Variants in HMGN5 observed in about 807,000 individuals in gnomAD.
HMGN5 encodes the protein high mobility group nucleosome binding domain 5.
HMGN5 carries 4 observed loss-of-function variants against 9.5 expected under a neutral mutation model. The ratio of observed to expected loss-of-function variants is 0.42; its 90% CI spans 0.21 to 0.96. The LOEUF (loss-of-function observed/expected upper bound fraction) is 0.96. Ranked by LOEUF, HMGN5 falls within the 40% of genes least tolerant of loss-of-function variation. HMGN5 has a pLI of 0.30. For missense variants in HMGN5, 192 were observed against 187.5 expected, an observed-to-expected ratio of 1.02 and a Z score of -0.14; for synonymous variants, 55 against 57.1, an observed-to-expected ratio of 0.96 and a Z score of 0.16.
chrX:81,123,678 G>A (rs2075275274), intron 1 of HMGN5, among the ~76,000 whole-genome samples: 1 of 112,315 alleles, frequency 8.9e-6, no homozygotes, highest in Non-Finnish European at 1.9e-5. Context: ...ATGAAAATGC[G>A]AAACCCTGTA....
intron 6 of HMGN5, 113 bp downstream of exon 6, chrX:81,116,091 A>G: frequency 2.0e-6 from 1 of 501,503 alleles, no homozygotes; most frequent in Non-Finnish European, 3.3e-6. Context: ...CTATAGAACC[A>G]CTGCTCACTT....
chrX:81,152,295 C>T (rs1174426225), intron 1 of HMGN5, among the ~76,000 whole-genome samples: 1 of 111,338 alleles, frequency 9.0e-6, no homozygotes, highest in Admixed American at 9.5e-5. Flanking sequence ...AACAAATTTA[C>T]AAGAAAAAAA....
intron 1 of HMGN5, among the ~76,000 whole-genome samples, chrX:81,187,628 A>C (rs2075481279): frequency 9.0e-6 from 1 of 111,556 alleles, no homozygotes; most frequent in African/African-American, 3.3e-5. Flanking sequence ...GGCAACAGAT[A>C]ATTGGGTATT....
intron 1 of HMGN5, among the ~76,000 whole-genome samples, chrX:81,182,659 T>C (rs1477140225): frequency 8.9e-6 from 1 of 112,401 alleles, no homozygotes; most frequent in Non-Finnish European, 1.9e-5. Context: ...CAGAAGTAGA[T>C]GCTGCTATGC....
chrX:81,143,887 T>A (rs964525561), intron 1 of HMGN5, among the ~76,000 whole-genome samples: 10 of 111,982 alleles, frequency 8.9e-5, no homozygotes, highest in Non-Finnish European at 1.5e-4. Flanking sequence ...CACATGGAAG[T>A]TTGAACTGGG....
chrX:81,137,669 AG>A (rs2075315219), intron 1 of HMGN5, among the ~76,000 whole-genome samples: 1 of 111,812 alleles, frequency 8.9e-6, no homozygotes, highest in African/African-American at 3.2e-5. Context: ...ACAAACACAA[AG>A]CATGCAGAAA....
At chrX:81,159,638 A>T (rs2075393282) in intron 1 of HMGN5, among the ~76,000 whole-genome samples, 1 of 110,575 alleles carries the variant, frequency 9.0e-6, no homozygotes, top group Non-Finnish European at 1.9e-5. Flanking sequence ...CAAAAGTTTT[A>T]GGATAATTTT....
chrX:81,131,450 A>G lies in HMGN5; in HGVS notation c.-123-9778T>C, dbSNP rs192812606. On this transcript the variant is annotated intron_variant, in intron 1 of 6. Transcript: ENST00000358130. ...CAAAGGACCTGTGTGGGGATTGAAA[A>G]GGACTTTATGAGTATCCAGGATGAA... Among the ~76,000 whole-genome samples, 10 of 111,327 alleles carry G rather than the reference A, an allele frequency of 9.0e-5. No homozygotes were observed. The South Asian group carries it at 1.5e-3, about 17-fold the overall frequency.
intron 1 of HMGN5, among the ~76,000 whole-genome samples, chrX:81,160,234 T>C (rs2075394715): frequency 8.9e-6 from 1 of 111,989 alleles, no homozygotes; most frequent in East Asian, 2.8e-4. Context: ...AAGACATCAT[T>C]CCTGATATAA....
At chrX:81,192,742 A>T (rs1386585517) in intron 1 of HMGN5, among the ~76,000 whole-genome samples, 7 of 111,978 alleles carry the variant, frequency 6.3e-5, no homozygotes, top group Non-Finnish European at 1.3e-4. Context: ...TTGGCTTTAG[A>T]TTTCTATGCT....
chrX:81,150,330 G>T (rs1192399926), intron 1 of HMGN5, among the ~76,000 whole-genome samples: 1 of 111,476 alleles, frequency 9.0e-6, no homozygotes, highest in Non-Finnish European at 1.9e-5. Flanking sequence ...TTGGGAGGCC[G>T]AGGCGGGTGG....
rs931391491 is a variant in HMGN5, at chrX:81,114,962, C to T, written c.536G>A (p.Gly179Asp). The T allele has an allele frequency of 2.6e-6, 3 of 1,155,845 alleles. No individual in the cohort carries two copies. Among genetic ancestry groups the T allele is most frequent in the Admixed American group, 5.4e-5 (2 of 36,724 alleles). Residue 179 changes from glycine (G) to aspartate (D), a missense_variant, in exon 7 of 7, where the codon GGT (glycine) becomes GAT (aspartate). Gly to Asp is a moderately conservative substitution (Grantham distance 94). Transcript: ENST00000358130. ...TTCTCCATTTCCTTTTCCGTCTTCA[C>T]CTTTTTTTCCATCTTCTTTCTCTTT... Reference protein sequence around the residue: ...DAKEKEDGKKGEDGKGNGEDG... With the variant: ...DAKEKEDGKKDEDGKGNGEDG...
intron 1 of HMGN5, among the ~76,000 whole-genome samples, chrX:81,179,120 C>T (rs1212589970): frequency 9.0e-6 from 1 of 111,657 alleles, no homozygotes; most frequent in African/African-American, 3.3e-5. Context: ...AAACTGGAAA[C>T]ATTCCCTTTG....
intron 1 of HMGN5, among the ~76,000 whole-genome samples, chrX:81,196,118 G>A (rs2075507469): frequency 9.0e-6 from 1 of 111,176 alleles, no homozygotes; most frequent in African/African-American, 3.3e-5. Context: ...CCTTCTGCTG[G>A]CACTTGAAGA....
At chrX:81,199,277 C>T (rs2075518105) in intron 1 of HMGN5, among the ~76,000 whole-genome samples, 1 of 111,877 alleles carries the variant, frequency 8.9e-6, no homozygotes, top group Non-Finnish European at 1.9e-5. Flanking sequence ...TAGGAAGAAT[C>T]AATATCGTGA....
At chrX:81,146,851 C>G (rs747097019) in intron 1 of HMGN5, among the ~76,000 whole-genome samples, 4 of 111,960 alleles carry the variant, frequency 3.6e-5, no homozygotes, top group South Asian at 3.7e-4. Context: ...AAGCTAACAT[C>G]AGAGAATACT....
chrX:81,192,194 C>T (rs746915011), intron 1 of HMGN5, among the ~76,000 whole-genome samples: 2 of 111,570 alleles, frequency 1.8e-5, no homozygotes, highest in Admixed American at 9.6e-5. Flanking sequence ...TTTGATACTA[C>T]TTAGTTTAGT....
chrX:81,169,312 G>T (rs2075418994), intron 1 of HMGN5, among the ~76,000 whole-genome samples: 1 of 111,406 alleles, frequency 9.0e-6, no homozygotes, highest in African/African-American at 3.3e-5. Context: ...TCTGATTCTT[G>T]GAAGAGCCAA....
chrX:81,162,397 A>T (rs1246213968), intron 1 of HMGN5, among the ~76,000 whole-genome samples: 2 of 109,623 alleles, frequency 1.8e-5, no homozygotes, highest in Non-Finnish European at 3.8e-5. Flanking sequence ...TGCAAACATA[A>T]GCTTTTTTTA....
Sources: allele counts gnomAD v4.1 joint callset (sites outside exome capture counted in the v4.1 genomes callset), GRCh38; gene constraint gnomAD v4.1.1; transcripts MANE v1.5; gene names NCBI Gene and HGNC (gene_info 2026-07-23, HGNC 2026-07-21).